Variants in RANBP2 observed in about 807,000 individuals in gnomAD.
RANBP2 encodes the protein RAN binding protein 2, also known as E3 SUMO-protein ligase RanBP2.
Under a neutral mutation model 303.6 loss-of-function variants are expected in RANBP2, and 57 were observed. That is an observed-to-expected ratio of 0.19 (90% confidence interval 0.15 to 0.23). The LOEUF (loss-of-function observed/expected upper bound fraction) is 0.23, where lower values mean the gene tolerates loss of function less well. Ranked by LOEUF, RANBP2 falls within the 10% of genes least tolerant of loss-of-function variation. The probability of loss-of-function intolerance (pLI) is 1.00; values close to 1 mark genes in which losing one functional copy is unlikely to be tolerated. For missense variants in RANBP2, 3,138 were observed against 3,780.8 expected (o/e 0.83, Z 4.46); for synonymous variants, 1,167 against 1,301.5 (o/e 0.90, Z 2.23).
chr2:109,702,353 C>T, the RANBP2 span, among the ~76,000 whole-genome samples: 2 of 152,208 alleles, frequency 1.3e-5, no homozygotes, highest in Non-Finnish European at 2.9e-5. Flanking sequence ...AAACTCTGCC[C>T]ATACCATTGC....
chr2:108,898,924 C>CTG, the RANBP2 span, among the ~76,000 whole-genome samples: 1 of 152,114 alleles, frequency 6.6e-6, no homozygotes, highest in East Asian at 1.9e-4. Flanking sequence ...CCTTAGGGAA[C>CTG]TGTGGAGTTA....
chr2:109,301,353 T>TG, the RANBP2 span, among the ~76,000 whole-genome samples: 22 of 72,872 alleles, frequency 3.0e-4, no homozygotes, highest in Non-Finnish European at 1.2e-4. Flanking sequence ...TGTGTGTGTG[T>TG]TTGTGTATGT....
chr2:108,970,563 A>G, the RANBP2 span, among the ~76,000 whole-genome samples: 2 of 152,082 alleles, frequency 1.3e-5, no homozygotes, highest in African/African-American at 4.8e-5. Context: ...GGAGGTGGAC[A>G]GGATTGCAGG....
At chr2:109,638,076 C>T in the RANBP2 span, among the ~76,000 whole-genome samples, 6 of 152,262 alleles carry the variant, frequency 3.9e-5, no homozygotes, top group East Asian at 1.2e-3. Context: ...TGCTAACTAT[C>T]TGGGCTAAAG....
At chr2:109,438,082 C>A in the RANBP2 span, among the ~76,000 whole-genome samples, 1 of 152,198 alleles carries the variant, frequency 6.6e-6, no homozygotes, top group African/African-American at 2.4e-5. Flanking sequence ...ATTTCTTAGA[C>A]TAACGAACAC....
the RANBP2 span, among the ~76,000 whole-genome samples, chr2:109,019,001 T>C: frequency 6.6e-6 from 1 of 152,178 alleles, no homozygotes; most frequent in African/African-American, 2.4e-5. Flanking sequence ...AAAATGCATT[T>C]AGGACGTGTG....
chr2:109,433,273 G>C, the RANBP2 span, among the ~76,000 whole-genome samples: 1 of 152,262 alleles, frequency 6.6e-6, no homozygotes, highest in East Asian at 1.9e-4. Context: ...AAGGAAAAAT[G>C]ATATCTTCCC....
At chr2:109,689,018 T>G in the RANBP2 span, among the ~76,000 whole-genome samples, 2 of 151,386 alleles carry the variant, frequency 1.3e-5, no homozygotes, top group Non-Finnish European at 2.9e-5. Context: ...GCGACTCTCC[T>G]GCCTCAGCCT....
the RANBP2 span, chr2:109,129,490 C>T: frequency 6.7e-7 from 1 of 1,494,746 alleles, no homozygotes; most frequent in Admixed American, 2.1e-5. Flanking sequence ...GGGCTCCACG[C>T]CGGCCCCGGG....
the RANBP2 span, among the ~76,000 whole-genome samples, chr2:109,037,676 A>G: frequency 6.6e-6 from 1 of 152,226 alleles, no homozygotes; most frequent in South Asian, 2.1e-4. Context: ...ACATTTCAAA[A>G]CTAGCATTAA....
At chr2:108,726,034 C>T (rs1694673613) in intron 1 of RANBP2, among the ~76,000 whole-genome samples, 2 of 152,124 alleles carry the variant, frequency 1.3e-5, no homozygotes, top group Admixed American at 1.3e-4. Context: ...ACAGTAGTCC[C>T]TTCTTATCCA....
chr2:108,910,566 G>A, the RANBP2 span: 8 of 1,573,840 alleles, frequency 5.1e-6, no homozygotes, highest in South Asian at 5.6e-5. Context: ...GGAGATAGGA[G>A]TTAGAATTGG....
chr2:109,037,957 A>G, the RANBP2 span, among the ~76,000 whole-genome samples: 2 of 152,196 alleles, frequency 1.3e-5, no homozygotes, highest in Non-Finnish European at 2.9e-5. Flanking sequence ...TCTTATCCCA[A>G]ATTTACATGG....
chr2:109,600,166 G>A, the RANBP2 span, among the ~76,000 whole-genome samples: 9 of 152,242 alleles, frequency 5.9e-5, no homozygotes, highest in South Asian at 1.5e-3. Flanking sequence ...AGATCCACAC[G>A]GTTCTGCAGC....
At chr2:109,308,300 T>A in the RANBP2 span, among the ~76,000 whole-genome samples, 1 of 122,070 alleles carries the variant, frequency 8.2e-6, no homozygotes, top group Non-Finnish European at 1.6e-5. Flanking sequence ...TTTGTTTGAG[T>A]TCATTGTAGA....
At chr2:109,614,126 C>A in the RANBP2 span, 7 of 1,206,156 alleles carry the variant, frequency 5.8e-6, no homozygotes, top group Admixed American at 4.4e-5. Context: ...TGAAGGAGAG[C>A]TGGGACTCCA....
At chr2:109,017,289 G>C in the RANBP2 span, among the ~76,000 whole-genome samples, 6 of 152,342 alleles carry the variant, frequency 3.9e-5, no homozygotes, top group African/African-American at 1.4e-4. Flanking sequence ...CTTTTCCAAA[G>C]CTCTGGGGGC....
chr2:108,730,282 A>C (rs1328734425), intron 2 of RANBP2, among the ~76,000 whole-genome samples: 2 of 145,410 alleles, frequency 1.4e-5, no homozygotes, highest in African/African-American at 5.5e-5. Flanking sequence ...TGTAATGAGT[A>C]ATTTTTCTTC....
At chr2:109,503,414 G>T in the RANBP2 span, 1 of 152,078 alleles carries the variant, frequency 6.6e-6, no homozygotes, top group African/African-American at 2.4e-5. Flanking sequence ...CTTCCAGGTG[G>T]TCACCACACG....
Sources: allele counts gnomAD v4.1 joint callset (sites outside exome capture counted in the v4.1 genomes callset), GRCh38; gene constraint gnomAD v4.1.1; transcripts MANE v1.5; gene names NCBI Gene and HGNC (gene_info 2026-07-23, HGNC 2026-07-21).